Variants in LYG2 observed in about 807,000 individuals in gnomAD.
LYG2 encodes the protein lysozyme g-like protein 2.
Under a neutral mutation model 22.4 loss-of-function variants are expected in LYG2, and 25 were observed. The ratio of observed to expected loss-of-function variants is 1.12; its 90% CI spans 0.81 to 1.56. The LOEUF is 1.56. Ranked by LOEUF, LYG2 falls within the 40% of genes most tolerant of loss-of-function variation. The pLI is 0.00. For missense variants in LYG2, 266 were observed against 269.5 expected (o/e 0.99, Z 0.09); for synonymous variants, 88 against 97.0 (o/e 0.91, Z 0.55).
intron 2 of LYG2, among the ~76,000 whole-genome samples, 175 bp from the exon 3 acceptor site, chr2:99,254,460 C>T (rs1419157134): frequency 6.6e-6 from 1 of 152,152 alleles, no homozygotes; most frequent in East Asian, 1.9e-4. Context: ...CACTCTCTTT[C>T]TTAAGCATAA....
chr2:99,243,956 C>A, intron 6 of LYG2, 43 bp downstream of exon 6: 2 of 1,612,364 alleles, frequency 1.2e-6, no homozygotes, highest in South Asian at 1.1e-5. Flanking sequence ...TCAGTGGTCT[C>A]ATTCATTGCT....
intron 6 of LYG2, among the ~76,000 whole-genome samples, chr2:99,242,965 A>G (rs922210629): frequency 2.6e-5 from 4 of 152,220 alleles, no homozygotes; most frequent in Admixed American, 6.5e-5. Flanking sequence ...GTGCTATTTT[A>G]CCCTAGAATT....
chr2:99,246,591 A>C (rs574017539), intron 4 of LYG2, 89 bp downstream of exon 4: 1 of 1,452,718 alleles, frequency 6.9e-7, no homozygotes. Flanking sequence ...AATGATGATT[A>C]TACCTTTTCA....
In LYG2 at chr2:99,242,420, C is replaced by T. The variant is rs569037546; in HGVS notation, c.583G>A (p.Asp195Asn). Residue 195 changes from aspartate to asparagine, a missense_variant, in exon 7 of 7, where the codon GAC becomes AAC. Transcript: ENST00000333017. Reference sequence around the variant, plus strand: ...CGAGCAATGATATCATTGACGAAGTCATTGTCTATGTCCGATGGGGTGGCA... The same window carrying T: ...CGAGCAATGATATCATTGACGAAGTTATTGTCTATGTCCGATGGGGTGGCA... ...AIATPSDIDN[D>N]FVNDIIARAK... 2.0e-5 allele frequency: 32 copies of T among 1,613,726 alleles called. No individual in the cohort carries two copies. The highest frequency in any genetic ancestry group is 2.5e-5 in the Non-Finnish European group (30 of 1,179,852).
chr2:99,245,358 A>C lies in LYG2; in HGVS notation c.285T>G (p.Pro95=). The C allele has an allele frequency of 6.2e-7, 1 of 1,613,552 alleles. No individual in the cohort carries two copies. The highest frequency in any genetic ancestry group is 8.5e-7 in the Non-Finnish European group (1 of 1,179,732). ...TGGAGATGATGGCTGCGATGACAGCAGGGTCCACGCAATGTCTCTGCCCGA... is the reference window on the plus strand; with the variant it reads ...TGGAGATGATGGCTGCGATGACAGCCGGGTCCACGCAATGTCTCTGCCCGA... ...KEVGQRHCVD[P]AVIAAIISRE... The change falls in exon 5 of 7, where the codon CCT becomes CCG. Residue 95 remains proline, a synonymous_variant. Transcript: ENST00000333017.
chr2:99,247,591 T>C (rs1021558298), intron 3 of LYG2, among the ~76,000 whole-genome samples: 1 of 152,122 alleles, frequency 6.6e-6, no homozygotes. Context: ...CTCCCTACCT[T>C]CCTCCCTCCC....
chr2:99,248,211 A>G (rs902711632), intron 3 of LYG2, among the ~76,000 whole-genome samples: 7 of 152,178 alleles, frequency 4.6e-5, no homozygotes, highest in African/African-American at 1.7e-4. Flanking sequence ...ATACCATTTG[A>G]CCCTGCCATC....
Position 99,245,339 on chromosome 2 carries a change from TGATGGCTGC to T in LYG2, c.295_303del (p.Ala99_Ile101del). 1 of 1,613,238 alleles carries T rather than the reference TGATGGCTGC, an allele frequency of 6.2e-7. No individual in the cohort carries two copies. Among genetic ancestry groups the T allele is most frequent in the Non-Finnish European group, 8.5e-7 (1 of 1,179,566 alleles). On this transcript the variant is annotated inframe_deletion, in exon 5 of 7. Transcript: ENST00000333017. The stretch of plus-strand genomic sequence containing the variant: ...GATCCGCCATGGCTTTCCCTGGAGA[TGATGGCTGC>T]GATGACAGCAGGGTCCACGCAATGT...
upstream of LYG2, among the ~76,000 whole-genome samples, chr2:99,260,434 A>G (rs2094045202): frequency 1.3e-5 from 2 of 152,170 alleles, no homozygotes; most frequent in South Asian, 4.1e-4. Flanking sequence ...AATCTCCACA[A>G]CCATTAGCAG....
At chr2:99,244,368 T>C (rs1363268435) in intron 5 of LYG2, among the ~76,000 whole-genome samples, 1 of 152,056 alleles carries the variant, frequency 6.6e-6, no homozygotes, top group Non-Finnish European at 1.5e-5. Flanking sequence ...AAAAAAAAAA[T>C]TTAAGTTGTT....
intron 3 of LYG2, among the ~76,000 whole-genome samples, chr2:99,247,179 A>G (rs967198291): frequency 6.6e-6 from 1 of 152,052 alleles, no homozygotes; most frequent in African/African-American, 2.4e-5. Flanking sequence ...TGCAGGCACC[A>G]ACACCTGGGC....
chr2:99,260,031 G>A (rs557846095), upstream of LYG2, among the ~76,000 whole-genome samples: 2 of 149,756 alleles, frequency 1.3e-5, no homozygotes, highest in East Asian at 2.0e-4. Flanking sequence ...GCATGATCTC[G>A]GATCACTGCA....
chr2:99,242,611 C>T (rs2094008408), intron 6 of LYG2, 129 bp from the exon 7 acceptor site: 3 of 547,814 alleles, frequency 5.5e-6, no homozygotes, highest in Non-Finnish European at 9.6e-6. Context: ...TCCTCCCTCT[C>T]CCTCCCTTTC....
At chr2:99,256,634 C>T (rs1017011383), upstream of LYG2, among the ~76,000 whole-genome samples, 1 of 152,178 alleles carries the variant, frequency 6.6e-6, no homozygotes, top group African/African-American at 2.4e-5. Context: ...GGGGCTCTCC[C>T]TACATGCACT....
At chr2:99,260,375 G>T (rs2094045119), upstream of LYG2, among the ~76,000 whole-genome samples, 1 of 152,126 alleles carries the variant, frequency 6.6e-6, no homozygotes, top group Middle Eastern at 3.2e-3. Flanking sequence ...TAAGAGTTTT[G>T]CAACCATCAG....
chr2:99,246,115 A>C (rs1162317150), intron 4 of LYG2, among the ~76,000 whole-genome samples: 3 of 152,124 alleles, frequency 2.0e-5, no homozygotes, highest in Non-Finnish European at 4.4e-5. Flanking sequence ...CATACACACA[A>C]AAAAAATTCT....
At chr2:99,254,361 T>G (rs2094032268) in intron 2 of LYG2, 76 bp from the exon 3 acceptor site, 1 of 1,177,954 alleles carries the variant, frequency 8.5e-7, no homozygotes, top group Non-Finnish European at 1.2e-6. Context: ...CTTTGATATT[T>G]TAAAAAGTTT....
intron 4 of LYG2, 134 bp downstream of exon 4, chr2:99,246,546 T>C (rs1173908413): frequency 9.6e-7 from 1 of 1,040,176 alleles, no homozygotes; most frequent in African/African-American, 1.6e-5. Flanking sequence ...AGGATTGTGG[T>C]TTTTGCTCAT....
intron 6 of LYG2, chr2:99,243,453 T>G: frequency 6.5e-7 from 1 of 1,549,940 alleles, no homozygotes; most frequent in Non-Finnish European, 8.7e-7. Flanking sequence ...TGTTGACAGT[T>G]TCTTATAACA....
Sources: allele counts gnomAD v4.1 joint callset (sites outside exome capture counted in the v4.1 genomes callset), GRCh38; gene constraint gnomAD v4.1.1; transcripts MANE v1.5; gene names NCBI Gene and HGNC (gene_info 2026-07-23, HGNC 2026-07-21).